Variants in DRC7 observed in about 807,000 individuals in gnomAD.
DRC7 encodes coiled-coil domain containing 135.
A neutral mutation model predicts 104.4 loss-of-function variants in DRC7; 80 were observed. The ratio of observed to expected loss-of-function variants is 0.77; its 90% CI spans 0.64 to 0.92. DRC7 has a LOEUF of 0.92. DRC7 is among the 40% of genes least tolerant of loss of function. The pLI is 0.00. For missense variants in DRC7, 1,034 were observed against 1,141.1 expected, an observed-to-expected ratio of 0.91 and a Z score of 1.35; for synonymous variants, 405 against 447.3, an observed-to-expected ratio of 0.91 and a Z score of 1.19.
At chr16:57,700,490 T>C (rs1371531897) in intron 5 of DRC7, among the ~76,000 whole-genome samples, 1 of 151,910 alleles carries the variant, frequency 6.6e-6, no homozygotes, top group Non-Finnish European at 1.5e-5. Flanking sequence ...CTACTAAAAA[T>C]ACAAAAATTA....
At position 57,726,908 on chromosome 16, in the gene DRC7, T is replaced by C. The variant is rs2048974947; in HGVS notation, c.2051T>C (p.Leu684Pro). ...ATGCACCTGAAGAGGGAGGAGAAGC[T>C]GTCCAGACATCAGGTCTGGGAGTCA... ...AMMHLKREEK[L>P]SRHQVWESEL... The change falls in exon 15 of 19, where the codon CTG becomes CCG. Residue 684 changes from leucine (L) to proline (P), a missense_variant. By Grantham distance (98) the Leu-to-Pro change is moderately conservative (BLOSUM62 -3). Transcript: ENST00000360716. The C allele has an allele frequency of 6.2e-7, 1 of 1,612,964 alleles. No individual in the cohort carries two copies.
chr16:57,728,642 G>A (rs2049003091), intron 17 of DRC7, 58 bp downstream of exon 17: 1 of 1,425,830 alleles, frequency 7.0e-7, no homozygotes, highest in South Asian at 1.4e-5. Flanking sequence ...TCCAGGAAAT[G>A]GGCCCACGGC....
chr16:57,698,057 G>A lies in DRC7; in HGVS notation c.108G>A (p.Glu36=). Residue 36 remains glutamate (E), a synonymous_variant, in exon 3 of 19, where the codon GAG becomes GAA. Coordinates refer to ENST00000360716, the MANE Select transcript of DRC7 (RefSeq NM_001289162.2). The part of the protein sequence containing the change: ...ARMEKMMRPV[E]VRKEEITLKQ... ...TGGAGAAAATGATGAGGCCAGTTGA[G>A]GTGCGGAAGGAGGAAATCACCTTAA... 1.2e-6 allele frequency: 2 copies of A among 1,614,154 alleles called. No homozygotes were observed. Among genetic ancestry groups the A allele is most frequent in the Non-Finnish European group, 1.7e-6 (2 of 1,180,038 alleles).
Position 57,727,395 on chromosome 16 carries a change from T to A in DRC7, c.2182T>A (p.Tyr728Asn). Residue 728 changes from tyrosine to asparagine, a missense_variant, in exon 16 of 19, where the codon TAT becomes AAT. Transcript: ENST00000360716. Reference protein sequence around the residue: ...DTKRNEKSKEYREAMERMMHE... With the variant: ...DTKRNEKSKENREAMERMMHE... ...CAAGCGGAATGAGAAGAGCAAGGAA[T>A]ATCGGGAGGCCATGGTCAGTCCCAA... 1 of 1,612,862 alleles carries A rather than the reference T, an allele frequency of 6.2e-7. No homozygotes were observed. The highest frequency in any genetic ancestry group is 8.5e-7 in the Non-Finnish European group (1 of 1,179,440).
intron 15 of DRC7, 79 bp from the exon 16 acceptor site, chr16:57,727,220 C>T (rs1474911631): frequency 8.4e-7 from 1 of 1,195,932 alleles, no homozygotes; most frequent in African/African-American, 1.5e-5. Context: ...ATCTGCCCTC[C>T]TTGGCTTCCC....
In DRC7 at chr16:57,704,928, C is replaced by G. The variant is rs771232710; in HGVS notation, c.752C>G (p.Pro251Arg). 9.9e-6 allele frequency: 16 copies of G among 1,613,710 alleles called. No homozygotes were observed. Among genetic ancestry groups the G allele is most frequent in the East Asian group, 2.2e-5 (1 of 44,890 alleles). ...CCTAAGAAGTATACCATCAAACCCC[C>G]CAGGGACCTGTGCAGCAGGTTTGAG... ...VLPKKYTIKPPRDLCSRFEQE... is the reference protein window; with the variant it reads ...VLPKKYTIKPRRDLCSRFEQE... The change falls in exon 7 of 19, where the codon CCC becomes CGC. Residue 251 changes from proline to arginine, a missense_variant. Transcript: ENST00000360716.
At chr16:57,695,489 GAC>G (rs1423395879) in intron 1 of DRC7, among the ~76,000 whole-genome samples, 2 of 152,222 alleles carry the variant, frequency 1.3e-5, no homozygotes, top group African/African-American at 4.8e-5. Flanking sequence ...GCACAGGTCT[GAC>G]ACACAGTAGG....
chr16:57,701,749 A>G (rs1170679074), intron 5 of DRC7, 187 bp from the exon 6 acceptor site: 3 of 577,986 alleles, frequency 5.2e-6, no homozygotes, highest in African/African-American at 1.9e-5. Flanking sequence ...TGTGAATGGC[A>G]TGGTGTCTGG....
At position 57,697,969 on chromosome 16, in the gene DRC7, A is replaced by G. The variant is rs1465871149; in HGVS notation, c.20A>G (p.Lys7Arg). MEVLRE[K>R]VEEEEEAERE... The stretch of plus-strand genomic sequence containing the variant: ...TCCAGAATGGAGGTCCTGAGGGAGA[A>G]GGTGGAGGAGGAGGAGGAGGCCGAG... The change falls in exon 3 of 19, where the codon AAG (lysine) becomes AGG (arginine). Residue 7 changes from lysine to arginine, a missense_variant. Physicochemically the swap from Lys to Arg is conservative, Grantham distance 26. Transcript: ENST00000360716. The G allele has an allele frequency of 6.2e-7, 1 of 1,612,876 alleles. No homozygotes were observed. Among genetic ancestry groups the G allele is most frequent in the African/African-American group, 1.3e-5 (1 of 74,890 alleles).
chr16:57,725,069 T>A (rs907864477), intron 13 of DRC7, among the ~76,000 whole-genome samples: 1 of 152,166 alleles, frequency 6.6e-6, no homozygotes, highest in African/African-American at 2.4e-5. Flanking sequence ...GACTCACAGT[T>A]CTGCATGGCT....
chr16:57,711,817 G>GAA (rs2048793936), intron 8 of DRC7, among the ~76,000 whole-genome samples: 1 of 152,204 alleles, frequency 6.6e-6, no homozygotes, highest in African/African-American at 2.4e-5. Flanking sequence ...TGAAATCACA[G>GAA]AAAGTCAAAG....
At chr16:57,702,230 A>G in intron 6 of DRC7, 100 bp downstream of exon 6, 1 of 1,259,806 alleles carries the variant, frequency 7.9e-7, no homozygotes, top group South Asian at 1.4e-5. Flanking sequence ...CCTCATCCCC[A>G]GCCCTGGCCA....
At chr16:57,718,584 C>T in intron 9 of DRC7, 109 bp downstream of exon 9, 2 of 1,282,880 alleles carry the variant, frequency 1.6e-6, no homozygotes, top group Admixed American at 2.1e-5. Context: ...CCCAAGTAGA[C>T]CAGTGATGGG....
rs543427026 is a variant in DRC7, at chr16:57,721,697, A to G, written c.1237A>G (p.Met413Val). ...GKEDEDKSFD[M>V]PHSWVEQIEI... ...GGAGGATGAGGATAAGAGCTTCGAC[A>G]TGCCCCACTCGTGGGTGGAGCAGAT... The change falls in exon 10 of 19, where the codon ATG (methionine) becomes GTG (valine). Residue 413 changes from methionine to valine, a missense_variant. Met to Val is a conservative substitution (Grantham distance 21, BLOSUM62 1). Transcript: ENST00000360716. 6.8e-6 allele frequency: 11 copies of G among 1,613,898 alleles called. No individual in the cohort carries two copies. In the South Asian group the frequency reaches 8.8e-5, roughly 13 times the overall value.
chr16:57,703,799 T>A (rs2048683641), intron 6 of DRC7, among the ~76,000 whole-genome samples: 1 of 151,956 alleles, frequency 6.6e-6, no homozygotes, highest in Admixed American at 6.6e-5. Flanking sequence ...AAACCCCGTC[T>A]CTACTAAAAA....
intron 7 of DRC7, among the ~76,000 whole-genome samples, chr16:57,705,722 C>G (rs1356545744): frequency 7.9e-5 from 11 of 139,666 alleles, no homozygotes; most frequent in Non-Finnish European, 1.5e-4. Context: ...ATCCTCCCAT[C>G]CATCCATCCT....
intron 10 of DRC7, among the ~76,000 whole-genome samples, 164 bp from the exon 11 acceptor site, chr16:57,722,549 A>C (rs2148765659): frequency 6.6e-6 from 1 of 152,190 alleles, no homozygotes; most frequent in African/African-American, 2.4e-5. Context: ...CTAGGGCTGG[A>C]GCCACCCCTG....
intron 7 of DRC7, among the ~76,000 whole-genome samples, chr16:57,706,708 T>C (rs373036237): frequency 1.2e-5 from 1 of 86,362 alleles, no homozygotes. Context: ...CTCCAACCCA[T>C]CCTCCCATCC....
At chr16:57,703,319 C>T (rs1242043131) in intron 6 of DRC7, among the ~76,000 whole-genome samples, 1 of 151,288 alleles carries the variant, frequency 6.6e-6, no homozygotes, top group African/African-American at 2.4e-5. Flanking sequence ...ACAAGAAATA[C>T]TCTGGAATGA....
Sources: gnomAD v4.1 joint callset for allele counts (sites outside exome capture counted in the v4.1 genomes callset) on GRCh38, gnomAD v4.1.1 for gene constraint, MANE v1.5 for transcripts, NCBI Gene and HGNC (gene_info 2026-07-23, HGNC 2026-07-21) for gene names.